MYO9A: variants seen among roughly 807,000 people sequenced by gnomAD.
MYO9A encodes unconventional myosin-IXa.
In MYO9A, 103 loss-of-function variants were observed where a neutral mutation model predicts 293.3. That is an observed-to-expected ratio of 0.35 (90% CI 0.30 to 0.41). MYO9A has a LOEUF of 0.41. Ranked by LOEUF, MYO9A falls within the 10% of genes least tolerant of loss-of-function variation. MYO9A has a pLI of 1.00. For synonymous variants in MYO9A, 1,001 were observed against 1,035.7 expected (o/e 0.97, Z 0.64); for missense variants, 2,685 against 3,033.0 (o/e 0.89, Z 2.69).
At chr15:72,043,806 T>C (rs2078298103) in intron 2 of MYO9A, among the ~76,000 whole-genome samples, 1 of 152,188 alleles carries the variant, frequency 6.6e-6, no homozygotes. Flanking sequence ...AAGTTTATCA[T>C]GTTATACACT....
intron 8 of MYO9A, among the ~76,000 whole-genome samples, chr15:72,006,871 C>G (rs2077032878): frequency 6.6e-6 from 1 of 152,138 alleles, no homozygotes; most frequent in Non-Finnish European, 1.5e-5. Flanking sequence ...GCACTGTATT[C>G]TAGTTGAAAA....
At chr15:72,100,875 G>C (rs1446874398) in intron 1 of MYO9A, among the ~76,000 whole-genome samples, 1 of 145,024 alleles carries the variant, frequency 6.9e-6, no homozygotes, top group Admixed American at 6.8e-5. Flanking sequence ...GAGGTGGGGG[G>C]GGTCAGCCCC....
chr15:72,037,071 G>A (rs2078071455), intron 2 of MYO9A, among the ~76,000 whole-genome samples: 1 of 149,816 alleles, frequency 6.7e-6, no homozygotes, highest in Non-Finnish European at 1.5e-5. Context: ...GTCTCACTCT[G>A]TCAACCCAGA....
chr15:72,040,860 T>C (rs987967224), intron 2 of MYO9A, among the ~76,000 whole-genome samples: 1 of 152,154 alleles, frequency 6.6e-6, no homozygotes, highest in African/African-American at 2.4e-5. Context: ...ACACAATATG[T>C]CAGAATTTGT....
At chr15:71,903,484 T>C (rs564901639) in intron 21 of MYO9A, among the ~76,000 whole-genome samples, 2 of 152,322 alleles carry the variant, frequency 1.3e-5, no homozygotes, top group South Asian at 2.1e-4. Flanking sequence ...AGCTTCAATA[T>C]AGTTTCCATA....
chr15:71,970,515 G>A (rs967550656), intron 12 of MYO9A, among the ~76,000 whole-genome samples: 9 of 152,110 alleles, frequency 5.9e-5, no homozygotes, highest in African/African-American at 2.2e-4. Context: ...TCCTACATGT[G>A]ACTAATTTAT....
At chr15:71,827,781 T>G in intron 41 of MYO9A, 103 bp downstream of exon 41, 1 of 1,275,440 alleles carries the variant, frequency 7.8e-7, no homozygotes, top group African/African-American at 1.5e-5. Context: ...TTATTGCTGA[T>G]GTACAGTCAG....
intron 11 of MYO9A, among the ~76,000 whole-genome samples, chr15:71,986,706 G>A (rs912981216): frequency 5.9e-5 from 9 of 152,214 alleles, no homozygotes; most frequent in South Asian, 2.1e-4. Flanking sequence ...ATTATATAAA[G>A]AGAAAACATT....
intron 15 of MYO9A, among the ~76,000 whole-genome samples, chr15:71,941,064 T>C (rs1405921789): frequency 1.3e-5 from 2 of 152,120 alleles, no homozygotes; most frequent in Non-Finnish European, 2.9e-5. Flanking sequence ...TAAAGAATAA[T>C]ATACTAAACA....
rs1280433971 is a variant in MYO9A, at chr15:71,880,527, C to A, written c.5430G>T (p.Leu1810Phe). The change falls in exon 29 of 42, where the codon TTG (leucine) becomes TTT (phenylalanine). Residue 1810 changes from leucine (L) to phenylalanine (F), a missense_variant. Around this residue, in one of 10 missense-constraint regions of MYO9A, gnomAD observed 1,434 missense variants for 1,497.7 expected, o/e 0.96. Transcript: ENST00000356056. ...ELAAYHPTPP[L>F]SPELPGSCRK... ...GGCAACTGCCGGGCAGTTCTGGGCT[C>A]AAAGGAGGTGTTGGGTGATATGCAG... The A allele has an allele frequency of 6.2e-7, 1 of 1,614,086 alleles. No homozygotes were observed. Among genetic ancestry groups the A allele is most frequent in the Non-Finnish European group, 8.5e-7 (1 of 1,179,958 alleles).
intron 19 of MYO9A, among the ~76,000 whole-genome samples, chr15:71,913,794 A>T (rs190209315): frequency 2.2e-4 from 34 of 152,300 alleles, no homozygotes; most frequent in African/African-American, 7.0e-4. Context: ...TTGTGAGAGC[A>T]GGGCCAGAGC....
At position 71,854,386 on chromosome 15, in the gene MYO9A, G is replaced by C. The variant is rs745892917; in HGVS notation, c.6337C>G (p.Leu2113Val). ...GAGGGCACTATCTTACCTGTATCTA[G>C]ACCCTGCCGAAGCTCCTTGATTTTA... ...TNKIKELRQG[L>V]DTDAESVNLD... The change falls in exon 35 of 42, where the codon CTA becomes GTA. Residue 2113 changes from leucine to valine, a missense_variant. Transcript: ENST00000356056. The C allele has an allele frequency of 2.5e-6, 4 of 1,588,632 alleles. No homozygotes were observed. Among genetic ancestry groups the C allele is most frequent in the Non-Finnish European group, 3.4e-6 (4 of 1,169,318 alleles).
intron 19 of MYO9A, among the ~76,000 whole-genome samples, chr15:71,910,168 G>GTATATATATATATATA (rs377474158): frequency 9.2e-4 from 118 of 128,292 alleles, no homozygotes; most frequent in Middle Eastern, 4.1e-3. Flanking sequence ...ATATATACGT[G>GTATATATATATATATA]TATATATATA....
intron 39 of MYO9A, among the ~76,000 whole-genome samples, chr15:71,848,080 A>G (rs2055469680): frequency 6.6e-6 from 1 of 152,014 alleles, no homozygotes. Context: ...ATTTTATTTT[A>G]CAACTGAGAG....
At chr15:71,899,561 G>C (rs903260235) in intron 24 of MYO9A, 126 bp downstream of exon 24, 1 of 797,416 alleles carries the variant, frequency 1.3e-6, no homozygotes, top group African/African-American at 1.7e-5. Flanking sequence ...CGGTATCACA[G>C]TATAGTGGAA....
At chr15:72,068,093 T>C (rs2079074712) in intron 1 of MYO9A, among the ~76,000 whole-genome samples, 1 of 152,204 alleles carries the variant, frequency 6.6e-6, no homozygotes, top group Non-Finnish European at 1.5e-5. Context: ...TAGTTTAACA[T>C]ACTTGCCTAT....
At chr15:71,906,742 T>A (rs2057654013) in intron 19 of MYO9A, among the ~76,000 whole-genome samples, 1 of 146,528 alleles carries the variant, frequency 6.8e-6, no homozygotes, top group Admixed American at 7.0e-5. Context: ...TCCAATCAGA[T>A]AATATCCATT....
chr15:71,944,681 T>A (rs138323949), intron 15 of MYO9A, among the ~76,000 whole-genome samples: 1 of 130,836 alleles, frequency 7.6e-6, no homozygotes, highest in East Asian at 2.3e-4. Flanking sequence ...TCTACTTCTG[T>A]ACTTTGTATT....
At position 71,898,394 on chromosome 15, in the gene MYO9A, C is replaced by A; in HGVS notation, c.4109G>T (p.Arg1370Leu). 1.9e-6 allele frequency: 3 copies of A among 1,613,588 alleles called. No individual in the cohort carries two copies. ...ATTTGAGGCACTGAGGGCATTGTCC[C>A]GTGAATCAAATTTTGGACTGCTGGA... ...KISSSPKFDS[R>L]DNALSASNET... The change falls in exon 25 of 42, where the codon CGG (arginine) becomes CTG (leucine). Residue 1370 changes from arginine (R) to leucine (L), a missense_variant. This residue lies in a region of MYO9A where 1,434 missense variants were observed against 1,497.7 expected (regional missense o/e 0.96). Transcript: ENST00000356056.
Sources: allele counts gnomAD v4.1 joint callset (sites outside exome capture counted in the v4.1 genomes callset), GRCh38; gene constraint gnomAD v4.1.1; regional missense constraint gnomAD v4.1.1; transcripts MANE v1.5; gene names NCBI Gene and HGNC (gene_info 2026-07-23, HGNC 2026-07-21).